Variants in SLC9C2 observed in about 807,000 individuals in gnomAD.
The protein encoded by SLC9C2 is solute carrier family 9 member C2 (putative).
A neutral mutation model predicts 140.2 loss-of-function variants in SLC9C2; 75 were observed. That is an observed-to-expected ratio of 0.53 (90% CI 0.44 to 0.65). SLC9C2 has a LOEUF of 0.65. Ranked by LOEUF, SLC9C2 falls within the 30% of genes least tolerant of loss-of-function variation. The pLI, the probability that SLC9C2 is intolerant of heterozygous loss-of-function variation, is 0.00. For synonymous variants in SLC9C2, 375 were observed against 420.9 expected, an observed-to-expected ratio of 0.89 and a Z score of 1.34; for missense variants, 1,074 against 1,331.8, an observed-to-expected ratio of 0.81 and a Z score of 3.01.
intron 9 of SLC9C2, among the ~76,000 whole-genome samples, chr1:173,570,574 T>C (rs1486555497): frequency 6.6e-6 from 1 of 151,974 alleles, no homozygotes; most frequent in Non-Finnish European, 1.5e-5. Context: ...GGTCACGCAC[T>C]GCCCCGGTCC....
At chr1:173,561,173 C>A (rs1460262567) in intron 9 of SLC9C2, among the ~76,000 whole-genome samples, 3 of 152,030 alleles carry the variant, frequency 2.0e-5, no homozygotes, top group African/African-American at 4.8e-5. Flanking sequence ...TTATTTTATC[C>A]CTCCAACTAG....
intron 4 of SLC9C2, among the ~76,000 whole-genome samples, chr1:173,593,406 G>A (rs151138885): frequency 0.012 from 1,753 of 152,244 alleles, 43 homozygotes; most frequent in African/African-American, 0.04. Flanking sequence ...TGTAATCCCA[G>A]CTACTAAGGA....
Position 173,524,718 on chromosome 1 carries a change from C to G in SLC9C2, c.2514+61G>C, listed in dbSNP as rs894363773. 3 of 1,568,846 alleles carry G rather than the reference C, an allele frequency of 1.9e-6. No homozygotes were observed. In the African/African-American group the frequency reaches 4.1e-5, roughly 21 times the overall value. On this transcript the variant is annotated intron_variant, in intron 20 of 27. Transcript: ENST00000367714. ...ATTTTTTCAATCTCCCTCCTTATTA[C>G]ACACTGCTAAAGTAACCATGAAGGC...
chr1:173,501,920 C>T (rs1275178788), intron 27 of SLC9C2, among the ~76,000 whole-genome samples: 1 of 152,048 alleles, frequency 6.6e-6, no homozygotes, highest in Admixed American at 6.6e-5. Context: ...ACCAACATTG[C>T]TATTAGAAGA....
intron 5 of SLC9C2, among the ~76,000 whole-genome samples, chr1:173,584,289 C>T (rs1665724421): frequency 1.3e-5 from 2 of 152,052 alleles, no homozygotes; most frequent in Admixed American, 6.5e-5. Flanking sequence ...ATGAAATGTC[C>T]GTGATAGACA....
At chr1:173,531,124 T>C (rs989897736) in intron 17 of SLC9C2, among the ~76,000 whole-genome samples, 1 of 152,186 alleles carries the variant, frequency 6.6e-6, no homozygotes, top group African/African-American at 2.4e-5. Context: ...TAACTTTACA[T>C]AGTGGTGAAA....
At chr1:173,516,441 T>C (rs1397621371) in intron 23 of SLC9C2, among the ~76,000 whole-genome samples, 1 of 152,208 alleles carries the variant, frequency 6.6e-6, no homozygotes, top group Non-Finnish European at 1.5e-5. Flanking sequence ...CGTAGTTATT[T>C]TTCCTGATTC....
Position 173,576,775 on chromosome 1 carries a change from A to G in SLC9C2, c.803-15T>C. The G allele has an allele frequency of 6.6e-7, 1 of 1,503,964 alleles. No individual in the cohort carries two copies. Among genetic ancestry groups the G allele is most frequent in the Non-Finnish European group, 9.1e-7 (1 of 1,093,508 alleles). 93.2% of individuals were successfully genotyped at this position (1,503,964 alleles called of 1,614,324 possible). ...TAAAAATTCCACTGGGGAGAAAAAAAAAACAAATGAATCAAATGCAATGTA... is the reference window on the plus strand; with the variant it reads ...TAAAAATTCCACTGGGGAGAAAAAAGAAACAAATGAATCAAATGCAATGTA... On this transcript the variant is annotated splice_polypyrimidine_tract_variant and intron_variant, in intron 7 of 27. Coordinates refer to ENST00000367714, the MANE Select transcript of SLC9C2 (RefSeq NM_178527.4).
chr1:173,546,436 C>T (rs1662853471), intron 13 of SLC9C2, among the ~76,000 whole-genome samples: 1 of 152,060 alleles, frequency 6.6e-6, no homozygotes, highest in African/African-American at 2.4e-5. Context: ...CAAAAATTAC[C>T]TGGGCATGGT....
Position 173,535,814 on chromosome 1 carries a change from G to C in SLC9C2, c.1775+16C>G. ...TATTTTCAAGTATGTTTCTATTAAA[G>C]GTTCACAATACTTACTCAGGTGGAA... is the stretch of plus-strand genomic sequence containing the variant. On this transcript the variant is annotated intron_variant, in intron 15 of 27. Coordinates refer to ENST00000367714, the MANE Select transcript of SLC9C2 (RefSeq NM_178527.4). 1 of 1,480,188 alleles carries C rather than the reference G, an allele frequency of 6.8e-7. No homozygotes were observed. The highest frequency in any genetic ancestry group is 1.2e-5 in the South Asian group (1 of 81,836). 91.7% of individuals were successfully genotyped at this position (1,480,188 alleles called of 1,614,324 possible).
chr1:173,540,999 A>G (rs957491892), intron 13 of SLC9C2, among the ~76,000 whole-genome samples: 2 of 152,240 alleles, frequency 1.3e-5, no homozygotes, highest in African/African-American at 2.4e-5. Flanking sequence ...AAATTCACAT[A>G]TAACAATATT....
intron 9 of SLC9C2, among the ~76,000 whole-genome samples, chr1:173,559,479 G>C (rs557796245): frequency 6.6e-6 from 1 of 152,274 alleles, no homozygotes; most frequent in Non-Finnish European, 1.5e-5. Flanking sequence ...CCAATGCATG[G>C]TAATTGCTCA....
chr1:173,538,012 G>A (rs921397226), intron 13 of SLC9C2, among the ~76,000 whole-genome samples: 2 of 152,050 alleles, frequency 1.3e-5, no homozygotes, highest in African/African-American at 2.4e-5. Flanking sequence ...AAAATTTGAG[G>A]GATGATAGTC....
intron 13 of SLC9C2, among the ~76,000 whole-genome samples, chr1:173,546,929 A>G (rs6699404): frequency 0.36 from 54,107 of 151,946 alleles, 12,112 homozygotes; most frequent in East Asian, 0.64. Context: ...AGACTAATAC[A>G]TAAGATGGGG....
intron 22 of SLC9C2, among the ~76,000 whole-genome samples, chr1:173,520,075 C>T (rs568517694): frequency 8.4e-4 from 128 of 152,152 alleles, no homozygotes; most frequent in African/African-American, 2.9e-3. Flanking sequence ...TTGAACCCGA[C>T]GGACAGACCT....
chr1:173,501,762 G>A (rs1057088333), intron 27 of SLC9C2, among the ~76,000 whole-genome samples: 2 of 152,056 alleles, frequency 1.3e-5, no homozygotes, highest in Non-Finnish European at 2.9e-5. Context: ...TAAGAGAGAG[G>A]AGAGGAAGGC....
intron 13 of SLC9C2, among the ~76,000 whole-genome samples, chr1:173,538,125 A>T (rs1216842628): frequency 6.6e-6 from 1 of 152,222 alleles, no homozygotes; most frequent in African/African-American, 2.4e-5. Context: ...CACCAGTAAC[A>T]GCTTTGATAA....
intron 9 of SLC9C2, among the ~76,000 whole-genome samples, chr1:173,566,757 T>G (rs895920073): frequency 6.6e-6 from 1 of 151,532 alleles, no homozygotes; most frequent in Non-Finnish European, 1.5e-5. Flanking sequence ...TTCTTTAAGA[T>G]GTATCATTAG....
rs377326814 is a variant in SLC9C2 at position 173,500,955 on chromosome 1, C to T, written c.*139G>A. The T allele has an allele frequency of 1.0e-6, 1 of 977,968 alleles. No individual in the cohort carries two copies. The highest frequency in any genetic ancestry group is 1.4e-6 in the Non-Finnish European group (1 of 735,552). The allele number at this position is 977,968 out of a possible 1,614,324, so 60.6% of individuals were successfully genotyped here. A position where few individuals can be genotyped will look rare whatever the true frequency, so the allele number is the denominator to read the frequency against. ...GCTTATAAACTAAATGCAGCAGTAACCTGTTTCAGTAGCTTCTAAGTAAAC... is the reference window on the plus strand; with the variant it reads ...GCTTATAAACTAAATGCAGCAGTAATCTGTTTCAGTAGCTTCTAAGTAAAC... On this transcript the variant is annotated 3_prime_UTR_variant, in exon 28 of 28. Transcript: ENST00000367714.
Sources: gnomAD v4.1 joint callset for allele counts (sites outside exome capture counted in the v4.1 genomes callset) on GRCh38, gnomAD v4.1.1 for gene constraint, MANE v1.5 for transcripts, NCBI Gene and HGNC (gene_info 2026-07-23, HGNC 2026-07-21) for gene names.